The following ADGRL2 variants were observed in gnomAD, a reference collection of about 807,000 sequenced individuals.
ADGRL2 encodes the protein calcium-independent alpha-latrotoxin receptor 2.
In ADGRL2, 44 loss-of-function variants were observed where a neutral mutation model predicts 157.4. The ratio of observed to expected loss-of-function variants is 0.28; its 90% confidence interval spans 0.22 to 0.36. The LOEUF (loss-of-function observed/expected upper bound fraction) is 0.36. Ranked by LOEUF, ADGRL2 falls within the 10% of genes least tolerant of loss-of-function variation. The probability of loss-of-function intolerance (pLI) is 1.00; values close to 1 mark genes in which losing one functional copy is unlikely to be tolerated. For missense variants in ADGRL2, 1,510 were observed against 1,768.9 expected (o/e 0.85, Z 2.63); for synonymous variants, 585 against 624.7 (o/e 0.94, Z 0.95).
chr1:81,362,911 C>T (rs747964221), intron 1 of ADGRL2, among the ~76,000 whole-genome samples: 10 of 151,950 alleles, frequency 6.6e-5, no homozygotes, highest in Non-Finnish European at 1.2e-4. Context: ...TAATTGTAAG[C>T]CTCTTGTGTT....
intron 23 of ADGRL2, chr1:81,990,017 G>A: frequency 2.0e-6 from 2 of 984,562 alleles, no homozygotes; most frequent in African/African-American, 1.7e-5. Context: ...CCATAGTCTT[G>A]TACTTTAAAA....
intron 2 of ADGRL2, among the ~76,000 whole-genome samples, chr1:81,483,006 A>G (rs1206282818): frequency 1.3e-5 from 2 of 152,010 alleles, no homozygotes; most frequent in African/African-American, 2.4e-5. Flanking sequence ...AAGTTTATGG[A>G]GCTATTTTTT....
At chr1:81,938,526 C>T (rs868599009) in intron 4 of ADGRL2, among the ~76,000 whole-genome samples, 1 of 151,742 alleles carries the variant, frequency 6.6e-6, no homozygotes, top group African/African-American at 2.4e-5. Flanking sequence ...ACGTTGTGCA[C>T]TAAACTTGCA....
At chr1:81,849,862 A>G (rs2092934577) in intron 2 of ADGRL2, among the ~76,000 whole-genome samples, 1 of 151,954 alleles carries the variant, frequency 6.6e-6, no homozygotes, top group Non-Finnish European at 1.5e-5. Context: ...TAGATTTAGA[A>G]GATAAATACA....
chr1:81,500,953 A>G (rs1255208541), intron 2 of ADGRL2, among the ~76,000 whole-genome samples: 1 of 152,222 alleles, frequency 6.6e-6, no homozygotes, highest in Non-Finnish European at 1.5e-5. Context: ...GAGCTAATAT[A>G]AATGTAGAAA....
chr1:81,835,476 T>C (rs1298412546), intron 1 of ADGRL2, among the ~76,000 whole-genome samples: 1 of 152,164 alleles, frequency 6.6e-6, no homozygotes, highest in Non-Finnish European at 1.5e-5. Flanking sequence ...AACTGCAGGT[T>C]CACTTTTGGT....
chr1:81,419,561 A>G (rs181352358), intron 1 of ADGRL2, among the ~76,000 whole-genome samples: 304 of 152,348 alleles, frequency 2.0e-3, no homozygotes, highest in Admixed American at 8.0e-3. Context: ...TTATGCAAAT[A>G]ACTACTTATT....
chr1:81,979,640 A>C (rs1661106962), intron 17 of ADGRL2, among the ~76,000 whole-genome samples: 1 of 151,820 alleles, frequency 6.6e-6, no homozygotes, highest in Non-Finnish European at 1.5e-5. Context: ...TTTAATCATT[A>C]CCACATAATA....
intron 1 of ADGRL2, among the ~76,000 whole-genome samples, chr1:81,736,610 A>AT (rs540596517): frequency 1.6e-4 from 25 of 152,168 alleles, no homozygotes; most frequent in African/African-American, 5.8e-4. Flanking sequence ...TTTAACCTTG[A>AT]TTTTCCCTTA....
At chr1:81,329,781 A>G (rs1661149354) in intron 1 of ADGRL2, among the ~76,000 whole-genome samples, 1 of 152,202 alleles carries the variant, frequency 6.6e-6, no homozygotes, top group African/African-American at 2.4e-5. Flanking sequence ...TGTTATTTCC[A>G]AAGCTTAAAA....
rs945991731 is a variant in ADGRL2, at chr1:81,841,077, ACTT to A, written c.73+4025_73+4027del. On this transcript the variant is annotated intron_variant, in intron 2 of 23. Coordinates refer to ENST00000686636, the MANE Select transcript of ADGRL2 (RefSeq NM_001366006.2). ...CAAGTGACAAGTTACAAATAATAGT[ACTT>A]CTTCAGCAAATTCAGTAATGCAGAT... Among the ~76,000 whole-genome samples the A allele has an allele frequency of 4.0e-4, 61 of 152,290 alleles. 1 individual carries two copies. Among genetic ancestry groups the A allele is most frequent in the African/African-American group, 1.4e-3 (59 of 41,576 alleles).
intron 4 of ADGRL2, among the ~76,000 whole-genome samples, chr1:81,941,055 G>C (rs1391518608): frequency 6.6e-5 from 10 of 150,856 alleles, no homozygotes; most frequent in Admixed American, 4.0e-4. Context: ...GATTGTTGTT[G>C]CATGCTAGCT....
intron 1 of ADGRL2, chr1:81,426,546 C>G (rs908976954): frequency 2.3e-6 from 1 of 441,654 alleles, no homozygotes; most frequent in Non-Finnish European, 4.5e-6. Context: ...TCCAAAGGAA[C>G]CAGAGTAGTT....
intron 1 of ADGRL2, among the ~76,000 whole-genome samples, chr1:81,808,006 T>C (rs1465120756): frequency 1.3e-5 from 2 of 151,444 alleles, no homozygotes; most frequent in Non-Finnish European, 3.0e-5. Context: ...ATAAACATTA[T>C]CTAAAGGAAA....
At chr1:81,905,306 A>C (rs2094563873) in intron 2 of ADGRL2, among the ~76,000 whole-genome samples, 1 of 152,104 alleles carries the variant, frequency 6.6e-6, no homozygotes, top group Admixed American at 6.6e-5. Context: ...CATGTTAGCC[A>C]GGCTGGTCCT....
At chr1:81,487,221 C>T (rs904911970) in intron 2 of ADGRL2, among the ~76,000 whole-genome samples, 1 of 151,832 alleles carries the variant, frequency 6.6e-6, no homozygotes, top group Non-Finnish European at 1.5e-5. Context: ...GATCAGACCA[C>T]TGCACTTCAG....
chr1:81,649,613 C>T (rs2082374058), intron 3 of ADGRL2, among the ~76,000 whole-genome samples: 1 of 152,126 alleles, frequency 6.6e-6, no homozygotes, highest in African/African-American at 2.4e-5. Context: ...TAAAAGAGGT[C>T]TACAAGAAAG....
intron 2 of ADGRL2, among the ~76,000 whole-genome samples, chr1:81,868,813 G>C (rs1408126862): frequency 6.6e-6 from 1 of 152,012 alleles, no homozygotes; most frequent in Non-Finnish European, 1.5e-5. Flanking sequence ...CCTGTTATTT[G>C]CACTAGAATG....
intron 3 of ADGRL2, among the ~76,000 whole-genome samples, chr1:81,684,772 G>C (rs1019947643): frequency 3.9e-5 from 6 of 152,114 alleles, no homozygotes; most frequent in Non-Finnish European, 8.8e-5. Context: ...CAGGTCTTAG[G>C]TTTAAGTCTT....
Sources: allele counts gnomAD v4.1 joint callset (sites outside exome capture counted in the v4.1 genomes callset), GRCh38; gene constraint gnomAD v4.1.1; transcripts MANE v1.5; gene names NCBI Gene and HGNC (gene_info 2026-07-23, HGNC 2026-07-21).